Variants in TCF7L2 observed in about 807,000 individuals in gnomAD.
TCF7L2 encodes transcription factor 7-like 2.
In TCF7L2, 23 loss-of-function variants were observed where a neutral mutation model predicts 77.9. The ratio of observed to expected loss-of-function variants is 0.30; its 90% CI spans 0.21 to 0.42. The LOEUF is 0.42. TCF7L2 is among the 10% of genes least tolerant of loss of function. The pLI is 1.00. For missense variants in TCF7L2, 654 were observed against 793.1 expected, an observed-to-expected ratio of 0.82 and a Z score of 2.11; for synonymous variants, 413 against 340.2, an observed-to-expected ratio of 1.21 and a Z score of -2.36.
intron 8 of TCF7L2, among the ~76,000 whole-genome samples, chr10:113,146,645 TAA>T (rs1365198863): frequency 2.0e-5 from 3 of 151,504 alleles, no homozygotes; most frequent in Admixed American, 6.6e-5. Context: ...AAAAAAAAGA[TAA>T]AGTTATTTTT....
intron 4 of TCF7L2, among the ~76,000 whole-genome samples, chr10:113,029,498 T>A (rs917048704): frequency 6.6e-6 from 1 of 151,888 alleles, no homozygotes; most frequent in Non-Finnish European, 1.5e-5. Context: ...TGTGTGTGTA[T>A]GTGACTCTGT....
At chr10:113,096,422 G>A (rs572716652) in intron 5 of TCF7L2, among the ~76,000 whole-genome samples, 1 of 152,304 alleles carries the variant, frequency 6.6e-6, no homozygotes, top group East Asian at 1.9e-4. Flanking sequence ...CTGTCCTATG[G>A]ACCTTATTGG....
chr10:113,152,581 C>T (rs1464593787), intron 11 of TCF7L2, 141 bp downstream of exon 11: 13 of 643,594 alleles, frequency 2.0e-5, no homozygotes, highest in Non-Finnish European at 3.5e-5. Flanking sequence ...CTGGTAGCAT[C>T]TTCCTGGATC....
Position 112,964,575 on chromosome 10 carries a change from G to A in TCF7L2, c.401G>A (p.Ser134Asn). 1.2e-6 allele frequency: 2 copies of A among 1,613,526 alleles called. No individual in the cohort carries two copies. The highest frequency in any genetic ancestry group is 1.7e-6 in the Non-Finnish European group (2 of 1,179,550). Residue 134 changes from serine to asparagine, a missense_variant, in exon 4 of 14, where the codon AGC becomes AAC. By Grantham distance (46) the Ser-to-Asn change is conservative. Around this residue, in one of 6 missense-constraint regions of TCF7L2, gnomAD observed 132 missense variants for 123.7 expected, o/e 1.07. Transcript: ENST00000627217. ...CTACAGCTCCATTTTCAGTCCGGCA[G>A]CACACATTACTCTGCGTACAAAACG...
At chr10:113,079,412 G>A (rs2059084962) in intron 5 of TCF7L2, among the ~76,000 whole-genome samples, 1 of 152,128 alleles carries the variant, frequency 6.6e-6, no homozygotes, top group African/African-American at 2.4e-5. Flanking sequence ...AGTTCTGATC[G>A]CCACCCTGCA....
chr10:112,972,533 G>C (rs1415337506), intron 4 of TCF7L2, among the ~76,000 whole-genome samples: 5 of 152,152 alleles, frequency 3.3e-5, no homozygotes, highest in Non-Finnish European at 7.4e-5. Context: ...ACAGTGGTGT[G>C]ATCATAGCTC....
At chr10:113,026,145 C>G (rs1045304690) in intron 4 of TCF7L2, among the ~76,000 whole-genome samples, 3 of 151,764 alleles carry the variant, frequency 2.0e-5, no homozygotes, top group Non-Finnish European at 4.4e-5. Context: ...TCCAGAAGTG[C>G]TGGGATTACA....
intron 5 of TCF7L2, among the ~76,000 whole-genome samples, chr10:113,065,546 G>A (rs903463933): frequency 2.0e-5 from 3 of 152,188 alleles, no homozygotes; most frequent in African/African-American, 7.2e-5. Flanking sequence ...CTTATGAAGC[G>A]CTTAATATGC....
intron 5 of TCF7L2, among the ~76,000 whole-genome samples, chr10:113,048,089 C>T (rs537711412): frequency 6.6e-6 from 1 of 152,142 alleles, no homozygotes; most frequent in Admixed American, 6.5e-5. Flanking sequence ...GGCTTCCTAA[C>T]ACTGCAGAGC....
intron 5 of TCF7L2, among the ~76,000 whole-genome samples, chr10:113,124,533 C>T (rs1195664707): frequency 2.0e-5 from 3 of 152,022 alleles, no homozygotes; most frequent in African/African-American, 7.3e-5. Context: ...GCCTGCTATT[C>T]CTAAAACATC....
chr10:112,961,254 A>ACCGCCCCCCCC (rs1349844083), intron 3 of TCF7L2, among the ~76,000 whole-genome samples: 7 of 60,500 alleles, frequency 1.2e-4, no homozygotes, highest in South Asian at 5.5e-4. Context: ...ACCTCAGGTG[A>ACCGCCCCCCCC]CCCCCCCCCC....
intron 4 of TCF7L2, among the ~76,000 whole-genome samples, chr10:113,030,621 G>A (rs911802308): frequency 6.6e-6 from 1 of 152,240 alleles, no homozygotes; most frequent in East Asian, 1.9e-4. Context: ...CTCTTAGTGG[G>A]AGGTTCTTCC....
intron 5 of TCF7L2, among the ~76,000 whole-genome samples, chr10:113,051,370 A>G (rs748479250): frequency 3.0e-4 from 46 of 152,316 alleles, no homozygotes; most frequent in Non-Finnish European, 5.6e-4. Flanking sequence ...ATCCTGGGCT[A>G]TTTGGTAAGG....
intron 5 of TCF7L2, among the ~76,000 whole-genome samples, chr10:113,140,892 G>A (rs1451402019): frequency 1.3e-5 from 2 of 152,178 alleles, no homozygotes; most frequent in African/African-American, 4.8e-5. Context: ...ACCTGCTAAT[G>A]GGAAAAGTGC....
At chr10:113,080,721 G>C (rs2135445521) in intron 5 of TCF7L2, among the ~76,000 whole-genome samples, 1 of 152,134 alleles carries the variant, frequency 6.6e-6, no homozygotes, top group East Asian at 1.9e-4. Flanking sequence ...AACCAACATG[G>C]CTTGTTTTCA....
intron 4 of TCF7L2, among the ~76,000 whole-genome samples, chr10:113,023,434 C>G (rs1463103476): frequency 6.6e-6 from 1 of 152,098 alleles, no homozygotes; most frequent in Admixed American, 6.6e-5. Flanking sequence ...TGAAGAAAGG[C>G]AGAGGGATAT....
intron 5 of TCF7L2, among the ~76,000 whole-genome samples, chr10:113,078,372 G>A (rs2058953303): frequency 6.6e-6 from 1 of 152,098 alleles, no homozygotes; most frequent in Admixed American, 6.5e-5. Context: ...TTTAATGAAT[G>A]CAATTAGTAA....
intron 7 of TCF7L2, 51 bp from the exon 8 acceptor site, chr10:113,145,960 C>CT: frequency 9.9e-7 from 1 of 1,011,994 alleles, no homozygotes; most frequent in Non-Finnish European, 1.5e-6. Context: ...TTTTCTTGTC[C>CT]CCACCCCCAC....
At chr10:113,159,857 C>T (rs1234911423) in intron 12 of TCF7L2, 63 bp from the exon 14 acceptor site, 6 of 416,652 alleles carry the variant, frequency 1.4e-5, no homozygotes, top group South Asian at 3.2e-5. Context: ...CTTTCTCTCT[C>T]TCTCTCTCTC....
Sources: allele counts gnomAD v4.1 joint callset (sites outside exome capture counted in the v4.1 genomes callset), GRCh38; gene constraint gnomAD v4.1.1; regional missense constraint gnomAD v4.1.1; transcripts MANE v1.5; gene names NCBI Gene and HGNC (gene_info 2026-07-23, HGNC 2026-07-21).